Variants in ZNF292 observed in about 807,000 individuals in gnomAD.
ZNF292 encodes the protein 16 zinc-finger domain protein.
A neutral mutation model predicts 217.9 loss-of-function variants in ZNF292; 26 were observed. That is an observed-to-expected ratio of 0.12 (90% CI 0.09 to 0.17). The LOEUF (loss-of-function observed/expected upper bound fraction) is 0.17. ZNF292 is among the 10% of genes least tolerant of loss of function. The pLI is 1.00. For synonymous variants in ZNF292, 1,257 were observed against 1,124.1 expected (o/e 1.12, Z -2.37); for missense variants, 2,904 against 3,175.2 (o/e 0.91, Z 2.05).
chr6:87,200,324 A>G (rs1281002922), intron 1 of ZNF292, among the ~76,000 whole-genome samples: 1 of 152,242 alleles, frequency 6.6e-6, no homozygotes, highest in African/African-American at 2.4e-5. Context: ...AAAGCCAGAA[A>G]TACTGTGGAG....
In ZNF292 at chr6:87,264,057, G is replaced by T. The variant is rs150414094; in HGVS notation, c.*2256G>T. The T allele has an allele frequency of 6.6e-6, 1 of 151,646 alleles. No individual in the cohort carries two copies. The highest frequency in any genetic ancestry group is 1.5e-5 in the Non-Finnish European group (1 of 67,908). 9.4% of individuals were successfully genotyped at this position (151,646 alleles called of 1,614,324 possible). A position where few individuals can be genotyped will look rare whatever the true frequency, so the allele number is the denominator to read the frequency against. ...ATGTATACTAAAGGTAATTATGAGAGTGGGCTTTTTAGCATGAAACAAAAA... is the reference window on the plus strand; with the variant it reads ...ATGTATACTAAAGGTAATTATGAGATTGGGCTTTTTAGCATGAAACAAAAA... On this transcript the variant is annotated 3_prime_UTR_variant, in exon 8 of 8. Transcript: ENST00000369577.
intron 1 of ZNF292, among the ~76,000 whole-genome samples, chr6:87,186,628 C>T (rs1401885911): frequency 1.3e-5 from 2 of 152,144 alleles, no homozygotes; most frequent in African/African-American, 2.4e-5. Context: ...CCTGTAATCC[C>T]AGCATTTTGG....
chr6:87,165,352 A>C (rs1359280497), intron 1 of ZNF292, among the ~76,000 whole-genome samples: 1 of 152,186 alleles, frequency 6.6e-6, no homozygotes, highest in African/African-American at 2.4e-5. Context: ...TATTAACCTC[A>C]GCTTATCCAG....
chr6:87,233,606 TTTCTC>T (rs1231136728), intron 5 of ZNF292, 79 bp downstream of exon 5: 3 of 1,544,346 alleles, frequency 1.9e-6, no homozygotes, highest in East Asian at 2.3e-5. Context: ...TTGATTTCCT[TTTCTC>T]TTAGATAGCG....
At chr6:87,242,793 T>A (rs181440496) in intron 5 of ZNF292, among the ~76,000 whole-genome samples, 64 of 152,298 alleles carry the variant, frequency 4.2e-4, no homozygotes, top group African/African-American at 1.1e-3. Flanking sequence ...TTAATTTTTT[T>A]AAAAAGAAAT....
rs866506586 is a variant in ZNF292, at chr6:87,257,267, C to T, written c.3638C>T (p.Pro1213Leu). ...LLSSMESVIN[P>L]NITSQDKNEQ... ...TCCTCAATGGAAAGTGTCATAAATC[C>T]AAATATAACTTCTCAGGATAAAAAT... is the stretch of plus-strand genomic sequence containing the variant. Residue 1213 changes from proline (P) to leucine (L), a missense_variant, in exon 8 of 8, where the codon CCA becomes CTA. Around this residue, in one of 15 missense-constraint regions of ZNF292, gnomAD observed 687 missense variants for 623.0 expected, o/e 1.10. Transcript: ENST00000369577. 6.2e-7 allele frequency: 1 copy of T among 1,613,648 alleles called. No individual in the cohort carries two copies. The highest frequency in any genetic ancestry group is 8.5e-7 in the Non-Finnish European group (1 of 1,179,792).
At position 87,256,516 on chromosome 6, in the gene ZNF292, G is replaced by C. The variant is rs1475310270; in HGVS notation, c.2887G>C (p.Gly963Arg). The change falls in exon 8 of 8, where the codon GGT becomes CGT. Residue 963 changes from glycine to arginine, a missense_variant. By Grantham distance (125) the Gly-to-Arg change is moderately radical. Coordinates refer to ENST00000369577, the MANE Select transcript of ZNF292 (RefSeq NM_015021.3). ...AGAAAACTCAACTGTGGAAGGCAGT[G>C]GTGAAGCACTGGTCACAGACTTACA... Reference protein sequence around the residue: ...KQENSTVEGSGEALVTDLHTP... With the variant: ...KQENSTVEGSREALVTDLHTP... The C allele has an allele frequency of 6.2e-7, 1 of 1,612,666 alleles. No homozygotes were observed.
At chr6:87,235,506 A>G (rs905040600) in intron 5 of ZNF292, among the ~76,000 whole-genome samples, 9 of 152,106 alleles carry the variant, frequency 5.9e-5, no homozygotes, top group African/African-American at 2.2e-4. Flanking sequence ...ATCTAAGCAT[A>G]GAGTTGTTGG....
At chr6:87,201,884 C>T (rs915225674) in intron 1 of ZNF292, among the ~76,000 whole-genome samples, 1 of 152,050 alleles carries the variant, frequency 6.6e-6, no homozygotes, top group Non-Finnish European at 1.5e-5. Flanking sequence ...TTTTATATAC[C>T]ATGCTCTCAC....
Position 87,257,696 on chromosome 6 carries a change from G to C in ZNF292, c.4067G>C (p.Arg1356Thr), listed in dbSNP as rs948864003. The change falls in exon 8 of 8, where the codon AGA becomes ACA. Residue 1356 changes from arginine (R) to threonine (T), a missense_variant. Coordinates refer to ENST00000369577, the MANE Select transcript of ZNF292 (RefSeq NM_015021.3). The stretch of plus-strand genomic sequence containing the variant: ...GGGCGGGGCCCAAATGGGAAGGAAA[G>C]AAAACCTAAGCACAACAAAAGGGCT... Reference protein sequence around the residue: ...DRGRGPNGKERKPKHNKRAKW... With the variant: ...DRGRGPNGKETKPKHNKRAKW... 3 of 1,612,716 alleles carry C rather than the reference G, an allele frequency of 1.9e-6. No homozygotes were observed. Among genetic ancestry groups the C allele is most frequent in the East Asian group, 2.2e-5 (1 of 44,846 alleles).
rs1327015151 is a variant in ZNF292, at chr6:87,156,976, A to G, written c.168+1217A>G. Among the ~76,000 whole-genome samples the G allele has an allele frequency of 2.0e-5, 3 of 152,222 alleles. No individual in the cohort carries two copies. The East Asian group carries it at 5.8e-4, about 29-fold the overall frequency. Reference sequence around the variant, plus strand: ...ACTTGTGAGTGTATCATTACAGAGAATTCGTTTTGGAAAAATACTGATCTT... The same window carrying G: ...ACTTGTGAGTGTATCATTACAGAGAGTTCGTTTTGGAAAAATACTGATCTT... On this transcript the variant is annotated intron_variant, in intron 1 of 7. Transcript: ENST00000369577.
At chr6:87,207,974 T>G (rs998432810) in intron 1 of ZNF292, among the ~76,000 whole-genome samples, 4 of 152,200 alleles carry the variant, frequency 2.6e-5, no homozygotes, top group Admixed American at 1.3e-4. Context: ...TTGGTGAAAT[T>G]CTTTCTTCAG....
At chr6:87,246,246 C>T (rs1053081950) in intron 7 of ZNF292, among the ~76,000 whole-genome samples, 1 of 151,786 alleles carries the variant, frequency 6.6e-6, no homozygotes, top group Non-Finnish European at 1.5e-5. Context: ...AACAAACAAA[C>T]GAACAAAAAA....
chr6:87,254,772 T>C lies in ZNF292; in HGVS notation c.1143T>C (p.Asp381=). ...AGACCATTTCATGTTTGTTGCCTGA[T>C]GATCTGGAAGTTAAACGTGCTTGTC... The part of the protein sequence containing the change: ...ICKTISCLLP[D]DLEVKRACQL... Residue 381 remains aspartate (D), a synonymous_variant, in exon 8 of 8, where the codon GAT becomes GAC. Coordinates refer to ENST00000369577, the MANE Select transcript of ZNF292 (RefSeq NM_015021.3). The C allele has an allele frequency of 1.9e-6, 3 of 1,613,990 alleles. No homozygotes were observed. Among genetic ancestry groups the C allele is most frequent in the Non-Finnish European group, 2.5e-6 (3 of 1,179,858 alleles).
chr6:87,187,870 G>A (rs146115245), intron 1 of ZNF292, among the ~76,000 whole-genome samples: 125 of 152,182 alleles, frequency 8.2e-4, no homozygotes, highest in Admixed American at 1.5e-3. Context: ...TTAATGACTT[G>A]GATAGAGAAA....
intron 1 of ZNF292, among the ~76,000 whole-genome samples, chr6:87,191,606 A>G (rs1170462311): frequency 2.0e-5 from 3 of 152,200 alleles, no homozygotes; most frequent in Non-Finnish European, 4.4e-5. Context: ...TAAACATTCT[A>G]CAACACTTGT....
chr6:87,169,576 A>G (rs1771031792), intron 1 of ZNF292: 35 of 321,648 alleles, frequency 1.1e-4, no homozygotes, highest in South Asian at 7.9e-4. Context: ...TGTGATATTG[A>G]GAAAATTATT....
In ZNF292 at chr6:87,238,923, C is replaced by T. The variant is rs565241168; in HGVS notation, c.742-4552C>T. On this transcript the variant is annotated intron_variant, in intron 5 of 7. Transcript: ENST00000369577. Reference sequence around the variant, plus strand: ...GCCTTCAAGCATCTGTTTAACAAAGCACATCTTGCACCGCCCTTAATCCAT... The same window carrying T: ...GCCTTCAAGCATCTGTTTAACAAAGTACATCTTGCACCGCCCTTAATCCAT... Among the ~76,000 whole-genome samples the T allele has an allele frequency of 4.1e-3, 623 of 152,024 alleles. 4 individuals carry two copies. Among genetic ancestry groups the T allele is most frequent in the African/African-American group, 0.014 (579 of 41,468 alleles).
At chr6:87,180,128 C>T (rs1418438176) in intron 1 of ZNF292, among the ~76,000 whole-genome samples, 3 of 152,184 alleles carry the variant, frequency 2.0e-5, no homozygotes, top group Admixed American at 6.5e-5. Context: ...CATACACTAA[C>T]AATAGCTGAT....
Sources: allele counts gnomAD v4.1 joint callset (sites outside exome capture counted in the v4.1 genomes callset), GRCh38; gene constraint gnomAD v4.1.1; regional missense constraint gnomAD v4.1.1; transcripts MANE v1.5; gene names NCBI Gene and HGNC (gene_info 2026-07-23, HGNC 2026-07-21).